Variants in WWOX observed in about 807,000 individuals in gnomAD.
The protein encoded by WWOX is WW domain-containing oxidoreductase.
In WWOX, 69 loss-of-function variants were observed where a neutral mutation model predicts 46.2. That is an observed-to-expected ratio of 1.49 (90% CI 1.23 to 1.82). The LOEUF (loss-of-function observed/expected upper bound fraction) is 1.82. Among genes scored for constraint, WWOX ranks in the 40% most tolerant of loss-of-function variants. The pLI, the probability that WWOX is intolerant of heterozygous loss-of-function variation, is 0.00. For missense variants in WWOX, 919 were observed against 542.6 expected (o/e 1.69, Z -6.89); for synonymous variants, 359 against 202.6 (o/e 1.77, Z -6.56).
chr16:78,305,846 C>T (rs1016296312), intron 5 of WWOX, among the ~76,000 whole-genome samples: 2 of 152,038 alleles, frequency 1.3e-5, no homozygotes, highest in African/African-American at 4.8e-5. Context: ...AACCAGTAGC[C>T]AACTCTCATT....
At chr16:79,025,488 A>G (rs1370745659) in intron 8 of WWOX, among the ~76,000 whole-genome samples, 1 of 152,084 alleles carries the variant, frequency 6.6e-6, no homozygotes, top group Admixed American at 6.5e-5. Context: ...AGGCGGTGTG[A>G]AGGTAGAGAC....
intron 8 of WWOX, among the ~76,000 whole-genome samples, chr16:78,704,367 A>G (rs766063358): frequency 1.8e-4 from 28 of 152,238 alleles, no homozygotes; most frequent in South Asian, 8.3e-4. Flanking sequence ...ATTCATCTGC[A>G]TTTTCACAAT....
chr16:78,316,606 G>C (rs2080361429), intron 5 of WWOX, among the ~76,000 whole-genome samples: 1 of 152,148 alleles, frequency 6.6e-6, no homozygotes, highest in Admixed American at 6.5e-5. Flanking sequence ...GCCTCCCAAA[G>C]TGCTGGGATT....
At chr16:78,205,183 T>C (rs2036352954) in intron 5 of WWOX, among the ~76,000 whole-genome samples, 1 of 152,174 alleles carries the variant, frequency 6.6e-6, no homozygotes, top group African/African-American at 2.4e-5. Context: ...CACATAGCAG[T>C]CTTTTCCAGT....
intron 8 of WWOX, among the ~76,000 whole-genome samples, chr16:79,117,517 G>C (rs1272299305): frequency 6.6e-6 from 1 of 152,208 alleles, no homozygotes; most frequent in Admixed American, 6.5e-5. Context: ...GCTTCAACTT[G>C]AAGTCACCAG....
At chr16:78,839,378 T>TC (rs1408341115) in intron 8 of WWOX, among the ~76,000 whole-genome samples, 4 of 152,074 alleles carry the variant, frequency 2.6e-5, no homozygotes, top group African/African-American at 9.7e-5. Context: ...CTCAGAGAGG[T>TC]CCAAAGGCTT....
At chr16:78,998,118 C>G (rs939001798) in intron 8 of WWOX, among the ~76,000 whole-genome samples, 9 of 152,062 alleles carry the variant, frequency 5.9e-5, no homozygotes, top group African/African-American at 2.2e-4. Flanking sequence ...TCAGGTGATC[C>G]CGCCCGCCTC....
At chr16:78,193,248 A>T (rs940053486) in intron 5 of WWOX, among the ~76,000 whole-genome samples, 9 of 152,190 alleles carry the variant, frequency 5.9e-5, no homozygotes, top group African/African-American at 2.2e-4. Flanking sequence ...CAGGGAGGGA[A>T]TGATAATTGT....
rs538405673 is a variant in WWOX at position 79,027,560 on chromosome 16, A to C, written c.1057-184048A>C. On this transcript the variant is annotated intron_variant, in intron 8 of 8. Coordinates refer to ENST00000566780, the MANE Select transcript of WWOX (RefSeq NM_016373.4). ...CCGTTCTGGAGAGCCTTTGATTATA[A>C]CATCAGCCTGTCATTTGGACCTCTG... Among the ~76,000 whole-genome samples, 18 of 151,896 alleles carry C rather than the reference A, an allele frequency of 1.2e-4. No individual in the cohort carries two copies. In the South Asian group the frequency reaches 3.5e-3, roughly 30 times the overall value.
At chr16:78,330,965 T>C (rs1316951001) in intron 5 of WWOX, among the ~76,000 whole-genome samples, 1 of 152,228 alleles carries the variant, frequency 6.6e-6, no homozygotes, top group African/African-American at 2.4e-5. Flanking sequence ...TCTAGTCTTT[T>C]CTGGAGCAGT....
At chr16:79,177,964 G>A (rs1745507613) in intron 8 of WWOX, among the ~76,000 whole-genome samples, 1 of 152,150 alleles carries the variant, frequency 6.6e-6, no homozygotes, top group South Asian at 2.1e-4. Flanking sequence ...CTTCTGTTGA[G>A]GGCTCGTTCC....
intron 8 of WWOX, among the ~76,000 whole-genome samples, chr16:78,512,891 C>T (rs1336068707): frequency 2.6e-5 from 4 of 152,132 alleles, no homozygotes; most frequent in South Asian, 2.1e-4. Context: ...TCTGGATCTG[C>T]GTGTTACCCA....
intron 8 of WWOX, among the ~76,000 whole-genome samples, chr16:78,546,687 G>A (rs570404272): frequency 6.6e-6 from 1 of 152,198 alleles, no homozygotes; most frequent in African/African-American, 2.4e-5. Flanking sequence ...CTAGGAATCA[G>A]TGTGTTTAAG....
intron 8 of WWOX, among the ~76,000 whole-genome samples, chr16:78,474,067 T>A (rs1343755267): frequency 6.6e-6 from 1 of 152,212 alleles, no homozygotes; most frequent in Admixed American, 6.5e-5. Flanking sequence ...GAAGTGACAT[T>A]GAGGACGTCT....
Position 78,438,795 on chromosome 16 carries a change from C to T in WWOX, c.1056+6043C>T, listed in dbSNP as rs571828156. Among the ~76,000 whole-genome samples the T allele has an allele frequency of 3.9e-5, 6 of 152,214 alleles. No homozygotes were observed. The South Asian group carries it at 6.2e-4, about 16-fold the overall frequency. On this transcript the variant is annotated intron_variant, in intron 8 of 8. Transcript: ENST00000566780. The stretch of plus-strand genomic sequence containing the variant: ...AGCCAGTCATCGTGCTGAGTTTTAA[C>T]GGATGTGCAGCTACCCTGCTAATGG...
At chr16:78,979,898 G>A (rs1274781048) in intron 8 of WWOX, among the ~76,000 whole-genome samples, 1 of 152,172 alleles carries the variant, frequency 6.6e-6, no homozygotes. Flanking sequence ...GGAGGCCAAG[G>A]TGGGTGGATC....
chr16:78,417,772 T>G (rs369090114), intron 6 of WWOX, among the ~76,000 whole-genome samples: 1 of 152,184 alleles, frequency 6.6e-6, no homozygotes, highest in Non-Finnish European at 1.5e-5. Context: ...TGCCTATCTC[T>G]TCACAGAGTA....
chr16:79,090,985 A>G (rs1342841986), intron 8 of WWOX, among the ~76,000 whole-genome samples: 1 of 152,044 alleles, frequency 6.6e-6, no homozygotes, highest in African/African-American at 2.4e-5. Flanking sequence ...TTTTGTAGAT[A>G]CCATGTTGGC....
In WWOX at chr16:78,432,552, G is replaced by A. The variant is rs374658336; in HGVS notation, c.856G>A (p.Asp286Asn). ...DFSRLSPTKN[D>N]YWAMLAYNRS... ...CAGTCGCCTCTCTCCAACAAAAAAC[G>A]ACTATTGGGCGATGCTGGCTTATAA... Residue 286 changes from aspartate to asparagine, a missense_variant, in exon 8 of 9, where the codon GAC becomes AAC. Physicochemically the swap from Asp to Asn is conservative, Grantham distance 23. Transcript: ENST00000566780. The A allele has an allele frequency of 1.9e-6, 3 of 1,614,118 alleles. No homozygotes were observed. Among genetic ancestry groups the A allele is most frequent in the South Asian group, 1.1e-5 (1 of 91,078 alleles).
Sources: allele counts gnomAD v4.1 joint callset (sites outside exome capture counted in the v4.1 genomes callset), GRCh38; gene constraint gnomAD v4.1.1; transcripts MANE v1.5; gene names NCBI Gene and HGNC (gene_info 2026-07-23, HGNC 2026-07-21).